Variants in MBP observed in about 807,000 individuals in gnomAD.
MBP encodes Golli-MBP.
Under a neutral mutation model 35.8 loss-of-function variants are expected in MBP, and 16 were observed. The observed-to-expected ratio is 0.45, with a 90% confidence interval of 0.30 to 0.68. The LOEUF (loss-of-function observed/expected upper bound fraction) is 0.68, where lower values mean the gene tolerates loss of function less well. Among genes scored for constraint, MBP ranks in the 30% least tolerant of loss-of-function variants. The pLI is 0.08. For synonymous variants in MBP, 143 were observed against 159.6 expected (o/e 0.90, Z 0.78); for missense variants, 380 against 404.7 (o/e 0.94, Z 0.52).
At position 77,066,345 on chromosome 18, in the gene MBP, T is replaced by C; in HGVS notation, c.92A>G (p.Asn31Ser). ...TNRGESEKKR[N>S]LGELSRTTSE... is the part of the protein sequence containing the mutation. ...GGTTGTCCGTGAAAGTTCACCCAGG[T>C]TTCTCTTTTTTTCAGATTCTCCTCT... The change falls in exon 3 of 9, where the codon AAC becomes AGC. Residue 31 changes from asparagine to serine, a missense_variant. Coordinates refer to ENST00000355994, the MANE Select transcript of MBP (RefSeq NM_001025101.2). 2 of 1,614,078 alleles carry C rather than the reference T, an allele frequency of 1.2e-6. No individual in the cohort carries two copies. Among genetic ancestry groups the C allele is most frequent in the Non-Finnish European group, 8.5e-7 (1 of 1,179,928 alleles).
At chr18:76,997,027 C>T in intron 4 of MBP, among the ~76,000 whole-genome samples, 1 of 152,130 alleles carries the variant, frequency 6.6e-6, no homozygotes, top group African/African-American at 2.4e-5. Context: ...CCTACTGCCT[C>T]CCCGACCTTT....
intron 4 of MBP, among the ~76,000 whole-genome samples, chr18:76,997,700 T>C (rs1257668028): frequency 1.3e-5 from 2 of 151,632 alleles, no homozygotes; most frequent in Admixed American, 6.6e-5. Flanking sequence ...TTTTTTTTTT[T>C]GAGACGGAGT....
rs1426598601 is a variant in MBP, at chr18:77,101,530, G to C, written c.51+3681C>G. Among the ~76,000 whole-genome samples, 1 of 152,188 alleles carries C rather than the reference G, an allele frequency of 6.6e-6. No homozygotes were observed. The highest frequency in any genetic ancestry group is 6.5e-5 in the Admixed American group (1 of 15,284). ...GCTGCCCACTCCTCTGATGGGCGGA[G>C]TGCTTCTGCCTGAATCTGATGTCTC... is the stretch of plus-strand genomic sequence containing the variant. On this transcript the variant is annotated intron_variant, in intron 2 of 8. Coordinates refer to ENST00000355994, the MANE Select transcript of MBP (RefSeq NM_001025101.2). This position sits in a 1 kb window ranked among gnomAD's most constrained non-coding sequence, Gnocchi z 4.3.
At position 77,044,719 on chromosome 18, in the gene MBP, A is replaced by G. The variant is rs1973158726; in HGVS notation, c.139+21579T>C. Among the ~76,000 whole-genome samples, 1 of 152,234 alleles carries G rather than the reference A, an allele frequency of 6.6e-6. No homozygotes were observed. Among genetic ancestry groups the G allele is most frequent in the Non-Finnish European group, 1.5e-5 (1 of 68,048 alleles). ...AACAAAGTCAGATCTGAAATGCTTA[A>G]AAGCAAATTAAACTTAACTCATAAA... On this transcript the variant is annotated intron_variant, in intron 3 of 8. Transcript: ENST00000355994. The surrounding 1 kb of genome is among the most constrained non-coding windows in gnomAD (Gnocchi z 4.4).
intron 3 of MBP, among the ~76,000 whole-genome samples, chr18:77,034,823 G>A (rs1194811695): frequency 6.6e-6 from 1 of 152,186 alleles, no homozygotes; most frequent in African/African-American, 2.4e-5. Flanking sequence ...TTCGGTGGGC[G>A]ACGTCCTCTT....
intron 3 of MBP, among the ~76,000 whole-genome samples, chr18:77,051,567 G>T (rs1325500667): frequency 6.6e-6 from 1 of 152,192 alleles, no homozygotes; most frequent in Non-Finnish European, 1.5e-5. Context: ...CTGAGACCCA[G>T]TGCAGAACTG....
intron 3 of MBP, among the ~76,000 whole-genome samples, chr18:77,057,559 TGAA>T (rs1973772641): frequency 6.6e-6 from 1 of 152,108 alleles, no homozygotes; most frequent in Admixed American, 6.5e-5. Flanking sequence ...GGACTGTGTG[TGAA>T]GAAGGACAAG....
chr18:77,063,893 CATAT>C (rs1974084707), intron 3 of MBP, among the ~76,000 whole-genome samples: 1 of 113,446 alleles, frequency 8.8e-6, no homozygotes, highest in Non-Finnish European at 1.8e-5. Context: ...TATACCTATA[CATAT>C]GTGTGTGTGT....
At chr18:77,034,914 C>T (rs1387929882) in intron 3 of MBP, among the ~76,000 whole-genome samples, 1 of 152,206 alleles carries the variant, frequency 6.6e-6, no homozygotes, top group Non-Finnish European at 1.5e-5. Context: ...TTTCCTGAAG[C>T]CCGGGTGTGC....
intron 3 of MBP, among the ~76,000 whole-genome samples, chr18:77,028,582 C>T (rs1287364620): frequency 4.6e-5 from 4 of 86,712 alleles, no homozygotes; most frequent in Non-Finnish European, 1.2e-4. Flanking sequence ...CAGAGGCGCC[C>T]CTCACCTCCC....
chr18:77,068,196 T>C (rs1442256010), intron 2 of MBP, among the ~76,000 whole-genome samples: 1 of 152,110 alleles, frequency 6.6e-6, no homozygotes, highest in Non-Finnish European at 1.5e-5. Flanking sequence ...ACTCACAAAA[T>C]TGAGGAGGGA....
chr18:77,046,348 C>A (rs964704798), intron 3 of MBP, among the ~76,000 whole-genome samples: 2 of 152,208 alleles, frequency 1.3e-5, no homozygotes, highest in Non-Finnish European at 2.9e-5. Flanking sequence ...CCCTGGCCCA[C>A]TTTTCTTCCC....
chr18:77,006,491 A>C (rs1370095520), intron 4 of MBP: 1 of 153,536 alleles, frequency 6.5e-6, no homozygotes, highest in Non-Finnish European at 1.4e-5. Flanking sequence ...GACCTGCAGC[A>C]CGGGATGGAC....
At chr18:77,042,720 C>G (rs1416124835) in intron 3 of MBP, among the ~76,000 whole-genome samples, 1 of 152,220 alleles carries the variant, frequency 6.6e-6, no homozygotes, top group Non-Finnish European at 1.5e-5. Context: ...AGCGGCCGGG[C>G]CAGGGCCTCA....
intron 3 of MBP, among the ~76,000 whole-genome samples, chr18:77,035,662 G>C (rs534310505): frequency 1.0e-4 from 11 of 109,564 alleles, no homozygotes; most frequent in Non-Finnish European, 2.0e-4. Flanking sequence ...GCAGGTGAAG[G>C]GGGGGGGACC....
In MBP at chr18:77,044,531, C is replaced by T. The variant is rs1012288759; in HGVS notation, c.139+21767G>A. On this transcript the variant is annotated intron_variant, in intron 3 of 8. Transcript: ENST00000355994. This position sits in a 1 kb window ranked among gnomAD's most constrained non-coding sequence, Gnocchi z 4.4. The stretch of plus-strand genomic sequence containing the variant: ...TGACCCCTCGTCCCTGGAAAGCCCT[C>T]TCCAGGGCCCTCGGCCTCGCTGTCT... Among the ~76,000 whole-genome samples the T allele has an allele frequency of 1.3e-5, 2 of 152,116 alleles. No homozygotes were observed. Among genetic ancestry groups the T allele is most frequent in the African/African-American group, 4.8e-5 (2 of 41,438 alleles).
At chr18:77,041,733 A>T (rs1366233330) in intron 3 of MBP, among the ~76,000 whole-genome samples, 1 of 139,216 alleles carries the variant, frequency 7.2e-6, no homozygotes, top group African/African-American at 2.7e-5. Context: ...AACAATGAGA[A>T]CACATGGACA....
In MBP at chr18:77,071,013, A is replaced by G. The variant is rs577148557; in HGVS notation, c.52-4628T>C. 3.3e-5 allele frequency among the ~76,000 whole-genome samples: 5 copies of G among 152,300 alleles called. No individual in the cohort carries two copies. The East Asian group carries it at 9.7e-4, about 29-fold the overall frequency. On this transcript the variant is annotated intron_variant, in intron 2 of 8. Coordinates refer to ENST00000355994, the MANE Select transcript of MBP (RefSeq NM_001025101.2). ...TGGCACACACGCACACGCACATTGT[A>G]GGTGAAAATACGCTTATAATTAGCC...
chr18:77,131,906 G>A lies in MBP; in HGVS notation c.-26+674C>T, dbSNP rs1356965578. On this transcript the variant is annotated intron_variant, in intron 1 of 8. Coordinates refer to ENST00000355994, the MANE Select transcript of MBP (RefSeq NM_001025101.2). The surrounding 1 kb of genome is among the most constrained non-coding windows in gnomAD (Gnocchi z 5.5). ...GCGCAGCGACGGGCCCGGCCGAAGA[G>A]CCCGAGACAGGCCCTGCGAAGGCGG... 6.6e-6 allele frequency among the ~76,000 whole-genome samples: 1 copy of A among 152,082 alleles called. No individual in the cohort carries two copies. Among genetic ancestry groups the A allele is most frequent in the East Asian group, 1.9e-4 (1 of 5,168 alleles).
Sources: allele counts gnomAD v4.1 joint callset (sites outside exome capture counted in the v4.1 genomes callset), GRCh38; gene constraint gnomAD v4.1.1; non-coding constraint Gnocchi (gnomAD v3.1); transcripts MANE v1.5; gene names NCBI Gene and HGNC (gene_info 2026-07-23, HGNC 2026-07-21).